SH3BP5: variants seen among roughly 807,000 people sequenced by gnomAD.
SH3BP5 encodes the protein SH3 domain binding protein 5.
Under a neutral mutation model 43.3 loss-of-function variants are expected in SH3BP5, and 22 were observed. That is an observed-to-expected ratio of 0.51 (90% CI 0.36 to 0.73). The LOEUF (loss-of-function observed/expected upper bound fraction) is 0.73, where lower values mean the gene tolerates loss of function less well. SH3BP5 is among the 30% of genes least tolerant of loss of function. The probability of loss-of-function intolerance (pLI) is 0.00; values close to 1 mark genes in which losing one functional copy is unlikely to be tolerated. For synonymous variants in SH3BP5, 255 were observed against 225.8 expected (o/e 1.13, Z -1.16); for missense variants, 529 against 586.9 (o/e 0.90, Z 1.02).
chr3:15,283,282 G>A (rs1697177558), intron 3 of SH3BP5, among the ~76,000 whole-genome samples: 1 of 152,064 alleles, frequency 6.6e-6, no homozygotes, highest in African/African-American at 2.4e-5. Context: ...CCTGTAGTCC[G>A]AGCTACTCAG....
chr3:15,255,109 C>T lies in SH3BP5; in HGVS notation c.*977G>A, dbSNP rs1014047762. On this transcript the variant is annotated 3_prime_UTR_variant, in exon 9 of 9. Transcript: ENST00000383791. ...TTACCATGAAAACGTTAAAGAAAAG[C>T]AGTCTTAACACTTAACTACTATTAA... 2 of 152,616 alleles carry T rather than the reference C, an allele frequency of 1.3e-5. No homozygotes were observed. The highest frequency in any genetic ancestry group is 2.9e-5 in the Non-Finnish European group (2 of 68,040). The allele number at this position is 152,616 out of a possible 1,614,324, so 9.5% of individuals were successfully genotyped here. A position where few individuals can be genotyped will look rare whatever the true frequency, so the allele number is the denominator to read the frequency against.
At chr3:15,315,608 G>A (rs941676051) in intron 2 of SH3BP5, among the ~76,000 whole-genome samples, 1 of 152,084 alleles carries the variant, frequency 6.6e-6, no homozygotes, top group Non-Finnish European at 1.5e-5. Flanking sequence ...CCCTTTTAAG[G>A]CCTAAGTAGA....
At chr3:15,267,293 T>C (rs1287684322) in intron 4 of SH3BP5, among the ~76,000 whole-genome samples, 2 of 152,236 alleles carry the variant, frequency 1.3e-5, no homozygotes, top group East Asian at 3.8e-4. Flanking sequence ...AGAATTATGT[T>C]CTGCATCATC....
At chr3:15,273,239 T>C in intron 3 of SH3BP5, 5 of 985,416 alleles carry the variant, frequency 5.1e-6, no homozygotes, top group Non-Finnish European at 6.0e-6. Context: ...GGGTAAACTC[T>C]CTTCTCCCAG....
chr3:15,294,936 C>T (rs1697526923), intron 3 of SH3BP5, among the ~76,000 whole-genome samples: 1 of 152,120 alleles, frequency 6.6e-6, no homozygotes. Flanking sequence ...CTTCCTTACC[C>T]AAGTTCATAT....
At chr3:15,338,960 G>C (rs968656038) in intron 1 of SH3BP5, among the ~76,000 whole-genome samples, 4 of 152,176 alleles carry the variant, frequency 2.6e-5, no homozygotes, top group Admixed American at 2.0e-4. Context: ...TTGCAGGAAA[G>C]CTGGCTCGTA....
chr3:15,304,894 C>CTG (rs1697857256), intron 2 of SH3BP5, among the ~76,000 whole-genome samples: 1 of 149,502 alleles, frequency 6.7e-6, no homozygotes, highest in Non-Finnish European at 1.5e-5. Flanking sequence ...GCACAACATG[C>CTG]TGTGCACTGT....
intron 3 of SH3BP5, among the ~76,000 whole-genome samples, chr3:15,297,848 G>A (rs2125103488): frequency 6.6e-6 from 1 of 152,194 alleles, no homozygotes; most frequent in Non-Finnish European, 1.5e-5. Context: ...TGAGAGATCA[G>A]CTCTAAGCCT....
At chr3:15,267,284 G>T (rs758752115) in intron 4 of SH3BP5, among the ~76,000 whole-genome samples, 15 of 152,230 alleles carry the variant, frequency 9.9e-5, no homozygotes, top group Non-Finnish European at 1.9e-4. Context: ...CCTGGAGAAA[G>T]AATTATGTTC....
chr3:15,325,338 C>G (rs1698432922), intron 2 of SH3BP5, among the ~76,000 whole-genome samples: 1 of 152,246 alleles, frequency 6.6e-6, no homozygotes, highest in Non-Finnish European at 1.5e-5. Flanking sequence ...TCACTGCCTC[C>G]TCTTCCATCC....
intron 2 of SH3BP5, among the ~76,000 whole-genome samples, chr3:15,320,198 T>C (rs1698286149): frequency 6.6e-6 from 1 of 152,036 alleles, no homozygotes; most frequent in South Asian, 2.1e-4. Context: ...ATAAAAGATT[T>C]ATATTAAGAG....
chr3:15,282,261 T>C (rs1334566626), intron 3 of SH3BP5, among the ~76,000 whole-genome samples: 4 of 152,162 alleles, frequency 2.6e-5, no homozygotes, highest in African/African-American at 9.7e-5. Flanking sequence ...TACATAATTA[T>C]ACATAATTAC....
At chr3:15,313,859 TG>T (rs906170204) in intron 2 of SH3BP5, among the ~76,000 whole-genome samples, 23 of 152,266 alleles carry the variant, frequency 1.5e-4, no homozygotes, top group African/African-American at 5.3e-4. Context: ...CCCAGCACTT[TG>T]GGAGGCCACG....
chr3:15,256,688 C>T, intron 8 of SH3BP5, 165 bp downstream of exon 8: 2 of 804,382 alleles, frequency 2.5e-6, no homozygotes, highest in Non-Finnish European at 3.8e-6. Context: ...CCCCCCAGAA[C>T]AGCACTTGGA....
At chr3:15,296,233 T>C (rs1354287247) in intron 3 of SH3BP5, among the ~76,000 whole-genome samples, 52 of 152,064 alleles carry the variant, frequency 3.4e-4, no homozygotes, top group Non-Finnish European at 8.8e-5. Flanking sequence ...AACTGTATAC[T>C]CCACAGTGGC....
intron 3 of SH3BP5, among the ~76,000 whole-genome samples, chr3:15,291,189 A>G (rs1697403778): frequency 6.6e-6 from 1 of 152,340 alleles, no homozygotes; most frequent in South Asian, 2.1e-4. Flanking sequence ...GAGCATTCGC[A>G]TGCTTTTTAG....
At chr3:15,335,239 A>C (rs1000917582), upstream of SH3BP5, among the ~76,000 whole-genome samples, 1 of 151,732 alleles carries the variant, frequency 6.6e-6, no homozygotes, top group Non-Finnish European at 1.5e-5. Context: ...TTAGCTGGGC[A>C]TGGTGGCACA....
At chr3:15,338,415 G>A (rs1393413251) in intron 1 of SH3BP5, among the ~76,000 whole-genome samples, 2 of 152,182 alleles carry the variant, frequency 1.3e-5, no homozygotes, top group African/African-American at 4.8e-5. Context: ...ACTGCTGTCT[G>A]GACTAAGAAT....
In SH3BP5 at chr3:15,296,341, T is replaced by TATACAC. The variant is rs1553616951; in HGVS notation, c.330+7761_330+7762insGTGTAT. 1.6e-3 allele frequency among the ~76,000 whole-genome samples: 236 copies of TATACAC among 146,262 alleles called. 1 individual carries two copies. Among genetic ancestry groups the TATACAC allele is most frequent in the African/African-American group, 5.6e-3 (220 of 39,594 alleles). On this transcript the variant is annotated intron_variant, in intron 3 of 8. Transcript: ENST00000383791. Reference sequence around the variant, plus strand: ...CCATACCTCAAATGGGGAAATCATATACACACACACACACACACACACACA... The same window carrying TATACAC: ...CCATACCTCAAATGGGGAAATCATATATACACACACACACACACACACACACACACA...
Sources: gnomAD v4.1 joint callset for allele counts (sites outside exome capture counted in the v4.1 genomes callset) on GRCh38, gnomAD v4.1.1 for gene constraint, MANE v1.5 for transcripts, NCBI Gene and HGNC (gene_info 2026-07-23, HGNC 2026-07-21) for gene names.